NDUFAF2: variants seen among roughly 807,000 people sequenced by gnomAD.
NDUFAF2 encodes NADH:ubiquinone oxidoreductase complex assembly factor 2.
A neutral mutation model predicts 22.8 loss-of-function variants in NDUFAF2; 13 were observed. That is an observed-to-expected ratio of 0.57 (90% CI 0.37 to 0.91). The LOEUF (loss-of-function observed/expected upper bound fraction) is 0.91, where lower values mean the gene tolerates loss of function less well. Ranked by LOEUF, NDUFAF2 falls within the 40% of genes least tolerant of loss-of-function variation. The pLI, the probability that NDUFAF2 is intolerant of heterozygous loss-of-function variation, is 0.01. For synonymous variants in NDUFAF2, 53 were observed against 64.2 expected (o/e 0.83, Z 0.84); for missense variants, 162 against 195.2 (o/e 0.83, Z 1.01).
chr5:61,037,662 C>T (rs1226677693), intron 1 of NDUFAF2, among the ~76,000 whole-genome samples: 1 of 152,066 alleles, frequency 6.6e-6, no homozygotes, highest in Admixed American at 6.5e-5. Flanking sequence ...TTCCATTTAT[C>T]TATACTTGGT....
At chr5:60,971,939 C>CTTT (rs1193853669) in intron 1 of NDUFAF2, among the ~76,000 whole-genome samples, 11 of 137,506 alleles carry the variant, frequency 8.0e-5, no homozygotes, top group African/African-American at 8.1e-5. Flanking sequence ...GCCCCCCTCC[C>CTTT]TTTTTTTTTT....
intron 1 of NDUFAF2, among the ~76,000 whole-genome samples, chr5:61,006,966 A>AT (rs940829816): frequency 1.4e-4 from 22 of 151,786 alleles, no homozygotes; most frequent in African/African-American, 4.3e-4. Flanking sequence ...TAAAGAACGG[A>AT]TTTTTTTTCT....
chr5:60,961,083 T>C (rs557675724), intron 1 of NDUFAF2, among the ~76,000 whole-genome samples: 1 of 152,178 alleles, frequency 6.6e-6, no homozygotes, highest in Non-Finnish European at 1.5e-5. Flanking sequence ...GTAGTGGTGG[T>C]GGTGGTGGTG....
At chr5:61,136,005 T>TATATA (rs1411594766) in intron 3 of NDUFAF2, among the ~76,000 whole-genome samples, 1 of 96,048 alleles carries the variant, frequency 1.0e-5, no homozygotes, top group Non-Finnish European at 2.0e-5. Context: ...AAGCCTGTCT[T>TATATA]TATATATATA....
chr5:61,010,859 G>T (rs73759455), intron 1 of NDUFAF2, among the ~76,000 whole-genome samples: 1 of 152,026 alleles, frequency 6.6e-6, no homozygotes, highest in African/African-American at 2.4e-5. Flanking sequence ...CTTCTGTAAC[G>T]TATCACTAAA....
At chr5:61,046,818 T>G (rs1751959774) in intron 1 of NDUFAF2, among the ~76,000 whole-genome samples, 1 of 152,190 alleles carries the variant, frequency 6.6e-6, no homozygotes, top group African/African-American at 2.4e-5. Context: ...AATGATATTC[T>G]CTACTGTTTT....
intron 1 of NDUFAF2, chr5:61,050,544 G>T (rs1752012882): frequency 6.6e-6 from 1 of 151,806 alleles, no homozygotes; most frequent in Admixed American, 6.6e-5. Context: ...TTTGAAGGTG[G>T]TATTTAAAAA....
At chr5:61,042,744 T>C (rs1283243161) in intron 1 of NDUFAF2, among the ~76,000 whole-genome samples, 2 of 152,218 alleles carry the variant, frequency 1.3e-5, no homozygotes, top group African/African-American at 4.8e-5. Flanking sequence ...ACTTTAAAAA[T>C]GGTTACATTC....
At chr5:61,152,554 CTT>C (rs1209871247) in intron 3 of NDUFAF2, 148 bp from the exon 4 acceptor site, 6 of 514,094 alleles carry the variant, frequency 1.2e-5, no homozygotes, top group East Asian at 4.1e-5. Flanking sequence ...CTTTTTCAAA[CTT>C]ATATACATAT....
intron 2 of NDUFAF2, among the ~76,000 whole-genome samples, chr5:61,075,659 A>G (rs1752359848): frequency 6.6e-6 from 1 of 152,268 alleles, no homozygotes; most frequent in South Asian, 2.1e-4. Flanking sequence ...GGCTGTCCTG[A>G]TCTAGTAATT....
At chr5:60,990,805 T>C (rs1269688695) in intron 1 of NDUFAF2, among the ~76,000 whole-genome samples, 1 of 152,176 alleles carries the variant, frequency 6.6e-6, no homozygotes, top group African/African-American at 2.4e-5. Flanking sequence ...TTTAATTTTG[T>C]GTATTTCTAG....
intron 1 of NDUFAF2, among the ~76,000 whole-genome samples, chr5:60,995,864 G>A (rs965637510): frequency 6.6e-6 from 1 of 152,150 alleles, no homozygotes; most frequent in Non-Finnish European, 1.5e-5. Flanking sequence ...GGCTGAGCTG[G>A]CACTCAAACC....
intron 1 of NDUFAF2, among the ~76,000 whole-genome samples, chr5:61,047,701 G>T (rs1446533214): frequency 1.3e-5 from 2 of 151,892 alleles, no homozygotes; most frequent in African/African-American, 4.8e-5. Flanking sequence ...CTGCCACAGA[G>T]CCCAAAAGTG....
chr5:61,104,872 C>G (rs1300829239), intron 3 of NDUFAF2, among the ~76,000 whole-genome samples: 1 of 152,058 alleles, frequency 6.6e-6, no homozygotes, highest in Non-Finnish European at 1.5e-5. Context: ...ATGTTGCATT[C>G]ACCTTACAAC....
intron 1 of NDUFAF2, among the ~76,000 whole-genome samples, chr5:60,971,498 A>G: frequency 6.6e-6 from 1 of 151,824 alleles, no homozygotes; most frequent in African/African-American, 2.4e-5. Context: ...CGTGTTAGCC[A>G]GGATGGTCTC....
chr5:60,967,162 A>G (rs940434418), intron 1 of NDUFAF2, among the ~76,000 whole-genome samples: 1 of 151,974 alleles, frequency 6.6e-6, no homozygotes, highest in Non-Finnish European at 1.5e-5. Context: ...TTATCAGTGT[A>G]TAGAAACACT....
At chr5:60,966,113 A>G (rs975041182) in intron 1 of NDUFAF2, among the ~76,000 whole-genome samples, 5 of 152,152 alleles carry the variant, frequency 3.3e-5, no homozygotes, top group Non-Finnish European at 7.4e-5. Context: ...CGTTTTCCTG[A>G]TGATGATTGA....
chr5:61,073,109 G>A lies in NDUFAF2; in HGVS notation c.128-16G>A. 1 of 1,519,142 alleles carries A rather than the reference G, an allele frequency of 6.6e-7. No individual in the cohort carries two copies. Among genetic ancestry groups the A allele is most frequent in the Non-Finnish European group, 9.1e-7 (1 of 1,094,968 alleles). The allele number at this position is 1,519,142 out of a possible 1,614,324, so 94.1% of individuals were successfully genotyped here. ...TAGGTTCATTTAAAAATGTATTAATGACTTTTGTCTTATAGGACAAACTAT... is the reference window on the plus strand; with the variant it reads ...TAGGTTCATTTAAAAATGTATTAATAACTTTTGTCTTATAGGACAAACTAT... On this transcript the variant is annotated splice_polypyrimidine_tract_variant and intron_variant, in intron 1 of 3. Coordinates refer to ENST00000296597, the MANE Select transcript of NDUFAF2 (RefSeq NM_174889.5).
chr5:61,095,391 C>T (rs188099277), intron 2 of NDUFAF2, among the ~76,000 whole-genome samples: 1 of 152,272 alleles, frequency 6.6e-6, no homozygotes, highest in Non-Finnish European at 1.5e-5. Flanking sequence ...GAACTCTGTC[C>T]CAGGTAGGGG....
Sources: allele counts gnomAD v4.1 joint callset (sites outside exome capture counted in the v4.1 genomes callset), GRCh38; gene constraint gnomAD v4.1.1; transcripts MANE v1.5; gene names NCBI Gene and HGNC (gene_info 2026-07-23, HGNC 2026-07-21).